FANK1: variants seen among roughly 807,000 people sequenced by gnomAD.
The protein encoded by FANK1 is fibronectin type III and ankyrin repeat domains 1.
Under a neutral mutation model 45.3 loss-of-function variants are expected in FANK1, and 44 were observed. That is an observed-to-expected ratio of 0.97 (90% CI 0.76 to 1.25). The LOEUF (loss-of-function observed/expected upper bound fraction) is 1.25, where lower values mean the gene tolerates loss of function less well. Among genes scored for constraint, FANK1 ranks in the 50% most tolerant of loss-of-function variants. The pLI, the probability that FANK1 is intolerant of heterozygous loss-of-function variation, is 0.00. For synonymous variants in FANK1, 149 were observed against 152.5 expected (o/e 0.98, Z 0.17); for missense variants, 391 against 424.4 (o/e 0.92, Z 0.69).
intron 1 of FANK1, among the ~76,000 whole-genome samples, chr10:125,911,227 G>A (rs886161446): frequency 9.9e-5 from 15 of 152,122 alleles, no homozygotes; most frequent in Admixed American, 3.3e-4. Context: ...CAGGCAATAC[G>A]AAGATGGAAG....
At chr10:126,008,257 G>C in intron 7 of FANK1, 150 bp from the exon 8 acceptor site, 1 of 985,754 alleles carries the variant, frequency 1.0e-6, no homozygotes, top group Non-Finnish European at 1.4e-6. Flanking sequence ...ACCAAAATGT[G>C]ACTTAAATTA....
intron 3 of FANK1, among the ~76,000 whole-genome samples, chr10:125,993,597 C>T (rs1346826987): frequency 6.6e-6 from 1 of 152,172 alleles, no homozygotes; most frequent in Non-Finnish European, 1.5e-5. Flanking sequence ...CCAGACATTG[C>T]CAAATGTCCT....
chr10:125,956,266 A>G (rs1949574644), intron 1 of FANK1, among the ~76,000 whole-genome samples: 1 of 151,462 alleles, frequency 6.6e-6, no homozygotes, highest in African/African-American at 2.4e-5. Context: ...AATATATTTG[A>G]AAGGAGATTC....
At chr10:125,898,167 CAG>C (rs1944735135) in intron 1 of FANK1, among the ~76,000 whole-genome samples, 1 of 152,044 alleles carries the variant, frequency 6.6e-6, no homozygotes, top group Admixed American at 6.5e-5. Context: ...AGCCTGGTGA[CAG>C]AGCGAGACTC....
chr10:125,994,332 T>C, intron 3 of FANK1: 1 of 947,474 alleles, frequency 1.1e-6, no homozygotes, highest in Non-Finnish European at 1.3e-6. Flanking sequence ...CTTTTCATGC[T>C]AACCCCCTAG....
intron 4 of FANK1, among the ~76,000 whole-genome samples, 191 bp from the exon 5 acceptor site, chr10:125,996,359 T>A: frequency 6.6e-6 from 1 of 152,234 alleles, no homozygotes; most frequent in East Asian, 1.9e-4. Flanking sequence ...TTGAATCTCA[T>A]AGAATATTAG....
rs1949039340 is a variant in FANK1 at position 125,949,344 on chromosome 10, C to T, written c.14-30817C>T. On this transcript the variant is annotated intron_variant, in intron 1 of 10. Transcript: ENST00000368693. ...AAGTCAAATTGTCCCTGTTTGCAGACAACATGATTGTATATCTAGAAAACC... is the reference window on the plus strand; with the variant it reads ...AAGTCAAATTGTCCCTGTTTGCAGATAACATGATTGTATATCTAGAAAACC... Among the ~76,000 whole-genome samples the T allele has an allele frequency of 4.0e-5, 6 of 151,850 alleles. No homozygotes were observed. In the South Asian group the frequency reaches 1.3e-3, roughly 32 times the overall value.
chr10:125,898,980 G>A (rs796655863), intron 1 of FANK1, among the ~76,000 whole-genome samples: 1 of 146,648 alleles, frequency 6.8e-6, no homozygotes, highest in African/African-American at 2.5e-5. Context: ...GTACACCCTC[G>A]AACTCTTGGA....
intron 2 of FANK1, among the ~76,000 whole-genome samples, chr10:125,981,452 G>GT (rs1951206701): frequency 6.9e-6 from 1 of 145,972 alleles, no homozygotes; most frequent in Non-Finnish European, 1.5e-5. Flanking sequence ...AGCCATGATT[G>GT]TGCCACTGCA....
chr10:125,943,642 C>T (rs1282130781), intron 1 of FANK1, among the ~76,000 whole-genome samples: 1 of 152,170 alleles, frequency 6.6e-6, no homozygotes, highest in South Asian at 2.1e-4. Context: ...TCTATTCATG[C>T]TCAGGTGTTC....
At chr10:125,952,449 T>C (rs921228270) in intron 1 of FANK1, among the ~76,000 whole-genome samples, 2 of 152,134 alleles carry the variant, frequency 1.3e-5, no homozygotes, top group Non-Finnish European at 2.9e-5. Flanking sequence ...GTGTGCAGAT[T>C]TCATCTGAAT....
chr10:126,008,315 G>T lies in FANK1; in HGVS notation c.706-92G>T, dbSNP rs191700323. ...TAGAAAGACGGCTATCTAAGTCCGG[G>T]TGTTGGGGCAAGCAAATATTCCTTT... On this transcript the variant is annotated intron_variant, in intron 7 of 10. Transcript: ENST00000368693. 6.2e-4 allele frequency: 904 copies of T among 1,455,750 alleles called. 6 individuals are homozygous for T. The African/African-American group carries it at 0.012, about 19-fold the overall frequency. 90.2% of individuals were successfully genotyped at this position (1,455,750 alleles called of 1,614,324 possible).
chr10:125,978,234 G>A (rs1355001856), intron 1 of FANK1, among the ~76,000 whole-genome samples: 5 of 152,066 alleles, frequency 3.3e-5, no homozygotes, highest in African/African-American at 7.2e-5. Flanking sequence ...ACCTGGTGTC[G>A]GCCCAAAGGC....
At chr10:125,963,974 A>G (rs1950070460) in intron 1 of FANK1, among the ~76,000 whole-genome samples, 1 of 152,162 alleles carries the variant, frequency 6.6e-6, no homozygotes, top group African/African-American at 2.4e-5. Context: ...TAAGACAAAA[A>G]AAAGGAGAGA....
At chr10:125,913,558 T>C (rs1290618837) in intron 1 of FANK1, among the ~76,000 whole-genome samples, 1 of 152,342 alleles carries the variant, frequency 6.6e-6, no homozygotes, top group Non-Finnish European at 1.5e-5. Context: ...GATAAGTCAT[T>C]GCCACCACTA....
chr10:125,994,331 C>CTA, intron 3 of FANK1: 3 of 944,086 alleles, frequency 3.2e-6, no homozygotes, highest in Non-Finnish European at 3.8e-6. Flanking sequence ...TCTTTTCATG[C>CTA]TAACCCCCTA....
intron 3 of FANK1, among the ~76,000 whole-genome samples, chr10:125,990,895 A>G (rs879596339): frequency 2.0e-5 from 3 of 152,184 alleles, no homozygotes; most frequent in Non-Finnish European, 2.9e-5. Context: ...CAGGCAAGAG[A>G]GAGCATGTGC....
intron 1 of FANK1, among the ~76,000 whole-genome samples, chr10:125,970,427 T>A (rs1285373757): frequency 6.6e-6 from 1 of 151,628 alleles, no homozygotes; most frequent in African/African-American, 2.4e-5. Flanking sequence ...CTAGACGGGG[T>A]GGTGGCCGGG....
chr10:125,928,053 G>T (rs933014407), intron 1 of FANK1, among the ~76,000 whole-genome samples: 3 of 152,076 alleles, frequency 2.0e-5, no homozygotes, highest in African/African-American at 7.2e-5. Flanking sequence ...AAGGAGTCCT[G>T]ATCTAGACTC....
Sources: allele counts gnomAD v4.1 joint callset (sites outside exome capture counted in the v4.1 genomes callset), GRCh38; gene constraint gnomAD v4.1.1; transcripts MANE v1.5; gene names NCBI Gene and HGNC (gene_info 2026-07-23, HGNC 2026-07-21).